The following ARHGAP22 variants were observed in gnomAD, a reference collection of about 807,000 sequenced individuals.
ARHGAP22 encodes the protein Rho GTPase activating protein 22.
ARHGAP22 carries 48 observed loss-of-function variants against 59.1 expected under a neutral mutation model. The ratio of observed to expected loss-of-function variants is 0.81; its 90% CI spans 0.64 to 1.03. ARHGAP22 has a LOEUF of 1.03. ARHGAP22 is among the 50% of genes least tolerant of loss of function. The pLI is 0.00. For missense variants in ARHGAP22, 1,015 were observed against 958.7 expected (o/e 1.06, Z -0.78); for synonymous variants, 445 against 416.4 (o/e 1.07, Z -0.84).
At chr10:48,478,707 A>C (rs1413846240) in intron 4 of ARHGAP22, among the ~76,000 whole-genome samples, 1 of 152,184 alleles carries the variant, frequency 6.6e-6, no homozygotes, top group Non-Finnish European at 1.5e-5. Context: ...ACCGACCTAG[A>C]GATAGCGACT....
chr10:48,523,968 C>T, intron 3 of ARHGAP22: 1 of 1,293,504 alleles, frequency 7.7e-7, no homozygotes, highest in Non-Finnish European at 1.0e-6. Flanking sequence ...CGGCCCTGGA[C>T]ACCCCGTGGC....
chr10:48,503,519 C>T lies in ARHGAP22; in HGVS notation c.323-23755G>A, dbSNP rs372116337. ...CTGCTGCTGCGGCTACTGCTGCTAC[C>T]GTCACTGGCACCACCACCCTGCTAA... is the stretch of plus-strand genomic sequence containing the variant. On this transcript the variant is annotated intron_variant, in intron 3 of 9. Coordinates refer to ENST00000249601, the MANE Select transcript of ARHGAP22 (RefSeq NM_021226.4). Among the ~76,000 whole-genome samples, 31 of 152,336 alleles carry T rather than the reference C, an allele frequency of 2.0e-4. 1 individual carries two copies. In the South Asian group the frequency reaches 5.8e-3, roughly 28 times the overall value.
At chr10:48,522,137 T>G (rs890234420) in intron 3 of ARHGAP22, among the ~76,000 whole-genome samples, 1 of 152,178 alleles carries the variant, frequency 6.6e-6, no homozygotes, top group Non-Finnish European at 1.5e-5. Context: ...CCTCAGACTC[T>G]CCAACAATTG....
chr10:48,513,350 A>G (rs908400777), intron 3 of ARHGAP22, among the ~76,000 whole-genome samples: 1 of 152,186 alleles, frequency 6.6e-6, no homozygotes, highest in African/African-American at 2.4e-5. Flanking sequence ...ATTGTGGAGG[A>G]AAGACGTGAG....
chr10:48,644,527 T>C (rs780751892), intron 1 of ARHGAP22, among the ~76,000 whole-genome samples: 1 of 152,252 alleles, frequency 6.6e-6, no homozygotes, highest in Non-Finnish European at 1.5e-5. Flanking sequence ...AGACCTATGG[T>C]AGGCCATAAA....
intron 1 of ARHGAP22, among the ~76,000 whole-genome samples, chr10:48,613,383 C>T (rs112301594): frequency 7.9e-5 from 12 of 152,144 alleles, no homozygotes; most frequent in South Asian, 2.1e-4. Flanking sequence ...GAAGATGGTA[C>T]GTTTGAAGAA....
At chr10:48,541,996 A>G (rs2055996897) in intron 3 of ARHGAP22, among the ~76,000 whole-genome samples, 1 of 152,224 alleles carries the variant, frequency 6.6e-6, no homozygotes. Flanking sequence ...AGAAGGCTGT[A>G]GGGCAGGGGC....
chr10:48,454,013 C>T (rs1350516382), intron 7 of ARHGAP22, 75 bp downstream of exon 7: 7 of 1,455,538 alleles, frequency 4.8e-6, no homozygotes, highest in East Asian at 2.3e-5. Context: ...GGAAGAGTTG[C>T]GTGTCTCGCT....
intron 1 of ARHGAP22, among the ~76,000 whole-genome samples, chr10:48,588,255 C>T (rs1341853095): frequency 6.6e-6 from 1 of 152,142 alleles, no homozygotes; most frequent in Non-Finnish European, 1.5e-5. Context: ...CCCGAGGGTT[C>T]CACCTGCCCC....
At chr10:48,512,067 A>T (rs1421819694) in intron 3 of ARHGAP22, among the ~76,000 whole-genome samples, 1 of 152,242 alleles carries the variant, frequency 6.6e-6, no homozygotes. Context: ...ATTCTCAGAG[A>T]GGAACCTGGA....
chr10:48,510,135 C>G (rs2052605176), intron 3 of ARHGAP22, among the ~76,000 whole-genome samples: 1 of 152,192 alleles, frequency 6.6e-6, no homozygotes, highest in African/African-American at 2.4e-5. Flanking sequence ...GTGGGGACAG[C>G]TGAGAACCCA....
At chr10:48,591,480 C>A (rs2059749548) in intron 1 of ARHGAP22, among the ~76,000 whole-genome samples, 1 of 152,124 alleles carries the variant, frequency 6.6e-6, no homozygotes, top group Admixed American at 6.5e-5. Context: ...TAATAACTAC[C>A]AGCATGTATG....
intron 1 of ARHGAP22, among the ~76,000 whole-genome samples, chr10:48,638,319 C>T (rs1211918772): frequency 2.0e-5 from 3 of 152,168 alleles, no homozygotes; most frequent in African/African-American, 7.2e-5. Flanking sequence ...CAGTGTGAAG[C>T]AGCAGCTGGG....
At chr10:48,562,630 G>T (rs943212701) in intron 2 of ARHGAP22, among the ~76,000 whole-genome samples, 2 of 152,182 alleles carry the variant, frequency 1.3e-5, no homozygotes, top group Non-Finnish European at 2.9e-5. Context: ...GTCAGGAGGG[G>T]CAAAGGGAGT....
At chr10:48,565,660 G>A (rs922410231) in intron 2 of ARHGAP22, among the ~76,000 whole-genome samples, 1 of 152,182 alleles carries the variant, frequency 6.6e-6, no homozygotes, top group Non-Finnish European at 1.5e-5. Flanking sequence ...GTTCCAGCCT[G>A]TTCCACCAGG....
rs571150652 is a variant in ARHGAP22 at position 48,455,071 on chromosome 10, G to A, written c.723C>T (p.Pro241=). Residue 241 remains proline, a synonymous_variant, in exon 6 of 10, where the codon CCC becomes CCT. Coordinates refer to ENST00000249601, the MANE Select transcript of ARHGAP22 (RefSeq NM_021226.4). ...LKLYLRELPE[P]VVPFARYEDF... ...CCTCGTACCTGGCGAAGGGGACCAC[G>A]GGCTCGGGGAGCTCCCGCAGGTACA... 92 of 1,612,420 alleles carry A rather than the reference G, an allele frequency of 5.7e-5. 1 individual carries two copies. The South Asian group carries it at 6.4e-4, about 11-fold the overall frequency.
chr10:48,480,655 G>A (rs372149349), intron 3 of ARHGAP22, among the ~76,000 whole-genome samples: 8 of 152,208 alleles, frequency 5.3e-5, no homozygotes, highest in Non-Finnish European at 1.2e-4. Context: ...CACCTGGTAC[G>A]TGCCTGGGAC....
intron 1 of ARHGAP22, among the ~76,000 whole-genome samples, chr10:48,591,914 A>G (rs572963798): frequency 6.6e-6 from 1 of 152,286 alleles, no homozygotes; most frequent in Admixed American, 6.5e-5. Context: ...CAAAACATGC[A>G]TGCTCTGCAA....
At chr10:48,606,422 G>A (rs935284), upstream of ARHGAP22, among the ~76,000 whole-genome samples, 135,131 of 152,078 alleles carry the variant, frequency 0.89, 61,480 homozygotes, top group Non-Finnish European at 0.99. Flanking sequence ...ACACAAAGCT[G>A]TCTTACTCAG....
Sources: allele counts gnomAD v4.1 joint callset (sites outside exome capture counted in the v4.1 genomes callset), GRCh38; gene constraint gnomAD v4.1.1; transcripts MANE v1.5; gene names NCBI Gene and HGNC (gene_info 2026-07-23, HGNC 2026-07-21).